UNC80: variants seen among roughly 807,000 people sequenced by gnomAD.
The protein encoded by UNC80 is unc-80 subunit of NALCN channel complex, also known as protein unc-80 homolog.
Under a neutral mutation model 384.6 loss-of-function variants are expected in UNC80, and 164 were observed. The ratio of observed to expected loss-of-function variants is 0.43; its 90% confidence interval spans 0.38 to 0.49. The LOEUF (loss-of-function observed/expected upper bound fraction) is 0.49. Ranked by LOEUF, UNC80 falls within the 20% of genes least tolerant of loss-of-function variation. The probability of loss-of-function intolerance (pLI) is 0.00; values close to 1 mark genes in which losing one functional copy is unlikely to be tolerated. For missense variants in UNC80, 3,330 were observed against 4,143.0 expected (o/e 0.80, Z 5.39); for synonymous variants, 1,486 against 1,527.8 (o/e 0.97, Z 0.64).
intron 59 of UNC80, among the ~76,000 whole-genome samples, chr2:209,979,757 C>A (rs184167416): frequency 1.3e-5 from 2 of 152,100 alleles, no homozygotes; most frequent in African/African-American, 2.4e-5. Flanking sequence ...TCTGATATAA[C>A]GTTTATAGCA....
chr2:209,821,448 A>G (rs914642429), intron 13 of UNC80, among the ~76,000 whole-genome samples: 1 of 152,096 alleles, frequency 6.6e-6, no homozygotes, highest in Non-Finnish European at 1.5e-5. Flanking sequence ...ATTTTTCCTC[A>G]ATGTAAAATT....
At position 209,940,193 on chromosome 2, in the gene UNC80, A is replaced by G. The variant is rs923416755; in HGVS notation, c.6646+541A>G. Among the ~76,000 whole-genome samples, 6 of 152,302 alleles carry G rather than the reference A, an allele frequency of 3.9e-5. No individual in the cohort carries two copies. In the South Asian group the frequency reaches 6.2e-4, roughly 16 times the overall value. On this transcript the variant is annotated intron_variant, in intron 43 of 64. Coordinates refer to ENST00000673920, the MANE Select transcript of UNC80 (RefSeq NM_001371986.1). Reference sequence around the variant, plus strand: ...CCGGGTATTTGTGTGAAGTTCAAAAAGAGGCAAAATTCATCTAGAATGACA... The same window carrying G: ...CCGGGTATTTGTGTGAAGTTCAAAAGGAGGCAAAATTCATCTAGAATGACA...
At chr2:209,903,320 ATG>A (rs34002751) in intron 28 of UNC80, among the ~76,000 whole-genome samples, 2,718 of 105,696 alleles carry the variant, frequency 0.026, 64 homozygotes, top group African/African-American at 0.07. Context: ...ATTATATTAT[ATG>A]TGTGTGTGTG....
Position 209,940,686 on chromosome 2 carries a change from G to A in UNC80, c.6647-535G>A, listed in dbSNP as rs184156491. ...AAAAAAATTAGCTGGGCATGGTGGC[G>A]GGTGCCTGTAATCCCAGCTACTCAG... On this transcript the variant is annotated intron_variant, in intron 43 of 64. Transcript: ENST00000673920. Among the ~76,000 whole-genome samples the A allele has an allele frequency of 1.1e-4, 16 of 152,066 alleles. No homozygotes were observed. In the East Asian group the frequency reaches 2.5e-3, roughly 24 times the overall value.
chr2:209,815,186 G>A, intron 8 of UNC80, 71 bp from the exon 9 acceptor site: 1 of 1,445,648 alleles, frequency 6.9e-7, no homozygotes, highest in South Asian at 1.4e-5. Flanking sequence ...TATTAAAAAT[G>A]TGACATTTCA....
chr2:209,811,852 C>T (rs186673926), intron 7 of UNC80, among the ~76,000 whole-genome samples: 10 of 152,180 alleles, frequency 6.6e-5, no homozygotes, highest in African/African-American at 2.4e-4. Flanking sequence ...GTATGTGCTT[C>T]GATAGGGAAG....
At chr2:209,922,533 T>C in intron 35 of UNC80, 150 bp downstream of exon 35, 1 of 1,006,514 alleles carries the variant, frequency 9.9e-7, no homozygotes, top group Non-Finnish European at 1.4e-6. Flanking sequence ...CATGGCATCC[T>C]TTAAAAAAAA....
Position 209,912,641 on chromosome 2 carries a change from G to A in UNC80, c.4864G>A (p.Gly1622Arg), listed in dbSNP as rs2089079782. Reference protein sequence around the residue: ...DANLEGKKDSGMLKYIRLQVM... With the variant: ...DANLEGKKDSRMLKYIRLQVM... ...CAATCTGGAAGGAAAAAAAGATTCC[G>A]GAATGCTGAAGTACATCAGACTTCA... Residue 1622 changes from glycine to arginine, a missense_variant, in exon 30 of 65, where the codon GGA becomes AGA. Physicochemically the swap from Gly to Arg is moderately radical, Grantham distance 125 (BLOSUM62 -2). Transcript: ENST00000673920. The A allele has an allele frequency of 3.9e-6, 6 of 1,551,250 alleles. No individual in the cohort carries two copies. Among genetic ancestry groups the A allele is most frequent in the South Asian group, 2.4e-5 (2 of 84,016 alleles).
At chr2:209,813,931 C>G in intron 8 of UNC80, 90 bp downstream of exon 8, 8 of 1,443,456 alleles carry the variant, frequency 5.5e-6, no homozygotes, top group Non-Finnish European at 7.4e-6. Context: ...CTTAGGTACT[C>G]TAGTGCTGAC....
intron 8 of UNC80, among the ~76,000 whole-genome samples, chr2:209,814,434 G>A (rs1341640764): frequency 6.6e-6 from 1 of 152,020 alleles, no homozygotes; most frequent in Non-Finnish European, 1.5e-5. Context: ...TTTCAGTAGA[G>A]ACAGGGTTTC....
At chr2:209,842,593 T>A in intron 21 of UNC80, 147 bp downstream of exon 21, 1 of 638,082 alleles carries the variant, frequency 1.6e-6, no homozygotes, top group Non-Finnish European at 2.7e-6. Flanking sequence ...CTATAGCTTC[T>A]GTTTTTGCAA....
At chr2:209,780,058 A>G (rs1263696572) in intron 4 of UNC80, among the ~76,000 whole-genome samples, 1 of 152,228 alleles carries the variant, frequency 6.6e-6, no homozygotes, top group African/African-American at 2.4e-5. Flanking sequence ...ATAGTATTCA[A>G]CTTGATACAA....
Position 209,839,430 on chromosome 2 carries a change from G to A in UNC80, c.3250G>A (p.Gly1084Arg), listed in dbSNP as rs2153829207. 3 of 1,551,910 alleles carry A rather than the reference G, an allele frequency of 1.9e-6. No homozygotes were observed. Among genetic ancestry groups the A allele is most frequent in the East Asian group, 2.4e-5 (1 of 40,916 alleles). The change falls in exon 19 of 65, where the codon GGG becomes AGG. Residue 1084 changes from glycine to arginine, a missense_variant and splice_region_variant. Around this residue, in one of 8 missense-constraint regions of UNC80, gnomAD observed 801 missense variants for 950.8 expected, o/e 0.84. Coordinates refer to ENST00000673920, the MANE Select transcript of UNC80 (RefSeq NM_001371986.1). This position sits in a 1 kb window ranked among gnomAD's most constrained non-coding sequence, Gnocchi z 4.1. ...CCGAAAGAAGCTTAAACTCCCCATA[G>A]GTAAAAGTATGTCTGTATTTGTTTA... is the stretch of plus-strand genomic sequence containing the variant. ...SLRKKLKLPI[G>R]NWLKRSSLSG...
chr2:209,990,256 A>G (rs1300666491), intron 61 of UNC80, among the ~76,000 whole-genome samples: 1 of 152,214 alleles, frequency 6.6e-6, no homozygotes, highest in Non-Finnish European at 1.5e-5. Flanking sequence ...AAATGAGACA[A>G]GTGGACTGCC....
chr2:209,989,321 T>C (rs1287465459), intron 61 of UNC80, among the ~76,000 whole-genome samples: 1 of 115,660 alleles, frequency 8.6e-6, no homozygotes, highest in African/African-American at 3.1e-5. Context: ...CAAGACTCTG[T>C]CTCAAAAAAA....
intron 62 of UNC80, 58 bp from the exon 63 acceptor site, chr2:209,993,257 A>C (rs1282061631): frequency 7.6e-7 from 1 of 1,315,198 alleles, no homozygotes; most frequent in East Asian, 2.5e-5. Context: ...ATAAAGAAAC[A>C]ATTTCCTCCT....
At chr2:209,858,478 T>C (rs988515558) in intron 22 of UNC80, among the ~76,000 whole-genome samples, 4 of 151,988 alleles carry the variant, frequency 2.6e-5, no homozygotes, top group Admixed American at 2.6e-4. Flanking sequence ...GAGGCCAAGG[T>C]GGGCGGATCA....
In UNC80 at chr2:209,995,660, C is replaced by T. The variant is rs2093473343; in HGVS notation, c.*65C>T. On this transcript the variant is annotated 3_prime_UTR_variant, in exon 65 of 65. Transcript: ENST00000673920. ...GAAAGTGATCTCTCTACTACAAGTT[C>T]AATACTTTTGCTTGAAAAAGATTAA... The T allele has an allele frequency of 4.7e-6, 7 of 1,491,942 alleles. No homozygotes were observed. Among genetic ancestry groups the T allele is most frequent in the Non-Finnish European group, 6.3e-6 (7 of 1,113,312 alleles). 92.4% of individuals were successfully genotyped at this position (1,491,942 alleles called of 1,614,324 possible). A position where few individuals can be genotyped will look rare whatever the true frequency, so the allele number is the denominator to read the frequency against.
At position 209,831,537 on chromosome 2, in the gene UNC80, C is replaced by T; in HGVS notation, c.2721C>T (p.Ser907=). The T allele has an allele frequency of 6.4e-7, 1 of 1,550,852 alleles. No homozygotes were observed. The highest frequency in any genetic ancestry group is 2.4e-5 in the East Asian group (1 of 40,862). ...EGIIVSAMFK[S]LITRCASTTH... is the part of the protein sequence containing the mutation. The stretch of plus-strand genomic sequence containing the variant: ...TTATCGTCAGCGCCATGTTTAAATC[C>T]CTCATCACACGCTGCGCTTCAACCA... Residue 907 remains serine (S), a synonymous_variant, in exon 16 of 65, where the codon TCC becomes TCT. Coordinates refer to ENST00000673920, the MANE Select transcript of UNC80 (RefSeq NM_001371986.1).
Sources: allele counts gnomAD v4.1 joint callset (sites outside exome capture counted in the v4.1 genomes callset), GRCh38; gene constraint gnomAD v4.1.1; regional missense constraint gnomAD v4.1.1; non-coding constraint Gnocchi (gnomAD v3.1); transcripts MANE v1.5; gene names NCBI Gene and HGNC (gene_info 2026-07-23, HGNC 2026-07-21).